The following GTF2F2 variants were observed in gnomAD, a reference collection of about 807,000 sequenced individuals.
GTF2F2 encodes ATP-dependent helicase GTF2F2.
GTF2F2 carries 23 observed loss-of-function variants against 42.2 expected under a neutral mutation model. The ratio of observed to expected loss-of-function variants is 0.55; its 90% CI spans 0.39 to 0.77. The LOEUF is 0.77. Ranked by LOEUF, GTF2F2 falls within the 30% of genes least tolerant of loss-of-function variation. The probability of loss-of-function intolerance (pLI) is 0.00; values close to 1 mark genes in which losing one functional copy is unlikely to be tolerated. For synonymous variants in GTF2F2, 105 were observed against 100.8 expected, an observed-to-expected ratio of 1.04 and a Z score of -0.25; for missense variants, 261 against 287.2, an observed-to-expected ratio of 0.91 and a Z score of 0.66.
intron 4 of GTF2F2, among the ~76,000 whole-genome samples, chr13:45,177,895 G>A (rs1160194482): frequency 6.6e-6 from 1 of 152,004 alleles, no homozygotes; most frequent in Non-Finnish European, 1.5e-5. Flanking sequence ...TTTTTTCTGT[G>A]GAGAATTCTG....
At chr13:45,194,168 G>C (rs761498026) in intron 4 of GTF2F2, 8 of 1,613,974 alleles carry the variant, frequency 5.0e-6, no homozygotes, top group African/African-American at 1.3e-5. Flanking sequence ...GGTGTTAGCT[G>C]TTCTTTCTCC....
intron 4 of GTF2F2, among the ~76,000 whole-genome samples, chr13:45,177,702 A>G (rs1255404984): frequency 6.6e-6 from 1 of 152,212 alleles, no homozygotes; most frequent in Non-Finnish European, 1.5e-5. Flanking sequence ...TGCCTCCTCT[A>G]AATGAAAAAG....
intron 1 of GTF2F2, among the ~76,000 whole-genome samples, chr13:45,125,466 C>T (rs978284453): frequency 1.3e-4 from 20 of 152,006 alleles, no homozygotes; most frequent in Admixed American, 6.6e-5. Flanking sequence ...GCTACAGGCG[C>T]GGGCCACCAC....
At chr13:45,221,592 C>T (rs984952568) in intron 5 of GTF2F2, among the ~76,000 whole-genome samples, 2 of 152,118 alleles carry the variant, frequency 1.3e-5, no homozygotes, top group African/African-American at 4.8e-5. Flanking sequence ...TGCACAGGCT[C>T]CCTCTTCATG....
chr13:45,196,173 G>A (rs567158522), intron 4 of GTF2F2, among the ~76,000 whole-genome samples: 12 of 152,214 alleles, frequency 7.9e-5, no homozygotes, highest in East Asian at 3.9e-4. Flanking sequence ...TCAAAAGTTC[G>A]TTGAAATCGA....
intron 4 of GTF2F2, among the ~76,000 whole-genome samples, chr13:45,190,289 T>TA (rs1334623448): frequency 2.0e-5 from 3 of 152,244 alleles, no homozygotes; most frequent in African/African-American, 7.2e-5. Flanking sequence ...ATTACTTTTC[T>TA]AAAATTCAGT....
intron 2 of GTF2F2, among the ~76,000 whole-genome samples, chr13:45,145,197 T>C (rs138244140): frequency 2.0e-5 from 3 of 152,350 alleles, no homozygotes; most frequent in African/African-American, 7.2e-5. Flanking sequence ...TGCTAGGAAC[T>C]TATCCCAGGG....
rs575773351 is a variant in GTF2F2 at position 45,261,866 on chromosome 13, A to G, written c.487-5367A>G. On this transcript the variant is annotated intron_variant, in intron 6 of 7. Coordinates refer to ENST00000340473, the MANE Select transcript of GTF2F2 (RefSeq NM_004128.3). ...TTTTATTTGTAGTGTCAAGTTGTGA[A>G]TATAGTATTAAGATTACCATTTCTG... 8.7e-4 allele frequency among the ~76,000 whole-genome samples: 133 copies of G among 152,370 alleles called. 1 individual carries two copies. The highest frequency in any genetic ancestry group is 3.0e-3 in the African/African-American group (124 of 41,584).
intron 1 of GTF2F2, among the ~76,000 whole-genome samples, chr13:45,121,989 T>C (rs1566105485): frequency 6.6e-6 from 1 of 152,046 alleles, no homozygotes; most frequent in Non-Finnish European, 1.5e-5. Context: ...CCTAGGAGCA[T>C]GGTAAATGCT....
intron 7 of GTF2F2, among the ~76,000 whole-genome samples, chr13:45,273,648 T>C: frequency 6.8e-6 from 1 of 146,030 alleles, no homozygotes; most frequent in East Asian, 2.0e-4. Flanking sequence ...TTTTAAAGAG[T>C]GGTAAAATTT....
intron 2 of GTF2F2, among the ~76,000 whole-genome samples, chr13:45,145,356 TG>T (rs1467733920): frequency 3.3e-5 from 5 of 152,244 alleles, no homozygotes; most frequent in African/African-American, 4.8e-5. Context: ...TATACATTTC[TG>T]CCTAAGCCCT....
intron 5 of GTF2F2, among the ~76,000 whole-genome samples, chr13:45,236,518 C>T (rs904037666): frequency 7.6e-6 from 1 of 131,110 alleles, no homozygotes; most frequent in Non-Finnish European, 1.6e-5. Flanking sequence ...CACACACACA[C>T]ACACACACAC....
intron 5 of GTF2F2, among the ~76,000 whole-genome samples, chr13:45,226,183 T>C (rs895395217): frequency 3.3e-5 from 5 of 152,192 alleles, no homozygotes; most frequent in African/African-American, 9.7e-5. Context: ...TGTATCCTTT[T>C]GTGTGATACG....
intron 2 of GTF2F2, 66 bp downstream of exon 2, chr13:45,136,872 A>G: frequency 1.2e-6 from 1 of 855,964 alleles, no homozygotes; most frequent in Non-Finnish European, 2.0e-6. Flanking sequence ...AGTGCTTTTA[A>G]AAGTGATTAT....
chr13:45,220,710 G>GT (rs1199794359), intron 5 of GTF2F2, among the ~76,000 whole-genome samples: 1 of 152,098 alleles, frequency 6.6e-6, no homozygotes, highest in African/African-American at 2.4e-5. Context: ...GCTGATGGTA[G>GT]TTTATTTTGT....
intron 7 of GTF2F2, among the ~76,000 whole-genome samples, chr13:45,277,318 G>A (rs528828422): frequency 1.3e-5 from 2 of 152,286 alleles, no homozygotes; most frequent in East Asian, 3.9e-4. Context: ...CAGCTTCTGG[G>A]TAGGCCACAG....
intron 1 of GTF2F2, among the ~76,000 whole-genome samples, chr13:45,132,988 G>C (rs538510522): frequency 6.6e-6 from 1 of 152,146 alleles, no homozygotes; most frequent in Non-Finnish European, 1.5e-5. Flanking sequence ...TAGCGTGATC[G>C]AGAGCTTTCC....
intron 5 of GTF2F2, among the ~76,000 whole-genome samples, chr13:45,215,027 A>G (rs1313105187): frequency 3.9e-5 from 6 of 152,224 alleles, no homozygotes; most frequent in African/African-American, 1.4e-4. Flanking sequence ...AGGTTCCCAT[A>G]TGATTATAAA....
At chr13:45,188,841 T>G (rs770935167) in intron 4 of GTF2F2, among the ~76,000 whole-genome samples, 1 of 152,202 alleles carries the variant, frequency 6.6e-6, no homozygotes, top group Non-Finnish European at 1.5e-5. Flanking sequence ...ACTTGATATG[T>G]GAAAATCTTA....
Sources: gnomAD v4.1 joint callset for allele counts (sites outside exome capture counted in the v4.1 genomes callset) on GRCh38, gnomAD v4.1.1 for gene constraint, MANE v1.5 for transcripts, NCBI Gene and HGNC (gene_info 2026-07-23, HGNC 2026-07-21) for gene names.